PRDM6: variants seen among roughly 807,000 people sequenced by gnomAD.
PRDM6 encodes putative histone-lysine N-methyltransferase PRDM6.
Under a neutral mutation model 60.8 loss-of-function variants are expected in PRDM6, and 25 were observed. The ratio of observed to expected loss-of-function variants is 0.41; its 90% CI spans 0.30 to 0.57. The LOEUF is 0.57. PRDM6 is among the 20% of genes least tolerant of loss of function. The pLI is 0.27. For synonymous variants in PRDM6, 407 were observed against 357.4 expected (o/e 1.14, Z -1.57); for missense variants, 839 against 821.3 (o/e 1.02, Z -0.26).
chr5:123,141,325 T>G (rs1489213905), intron 3 of PRDM6, among the ~76,000 whole-genome samples: 1 of 152,098 alleles, frequency 6.6e-6, no homozygotes, highest in Admixed American at 6.5e-5. Flanking sequence ...TATTAAACAT[T>G]ATTTAATATC....
In PRDM6 at chr5:123,156,026, G is replaced by A. The variant is rs1765489731; in HGVS notation, c.1028+15G>A. 1.3e-6 allele frequency: 2 copies of A among 1,546,472 alleles called. No individual in the cohort carries two copies. The highest frequency in any genetic ancestry group is 2.4e-5 in the East Asian group (1 of 40,872). ...GTTCAGTACAGGTAAAGTATATCTTGATTTACCACCTACAGAGCTGAAGCC... is the reference window on the plus strand; with the variant it reads ...GTTCAGTACAGGTAAAGTATATCTTAATTTACCACCTACAGAGCTGAAGCC... On this transcript the variant is annotated intron_variant, in intron 4 of 7. Coordinates refer to ENST00000407847, the MANE Select transcript of PRDM6 (RefSeq NM_001136239.4).
chr5:123,186,718 A>G (rs1181717786), intron 7 of PRDM6, among the ~76,000 whole-genome samples: 1 of 152,248 alleles, frequency 6.6e-6, no homozygotes, highest in Non-Finnish European at 1.5e-5. Context: ...TCTATTTGTC[A>G]TCAATTTCTC....
In PRDM6 at chr5:123,178,738, G is replaced by A. The variant is rs538400444; in HGVS notation, c.1497-1409G>A. Among the ~76,000 whole-genome samples, 14 of 152,288 alleles carry A rather than the reference G, an allele frequency of 9.2e-5. No individual in the cohort carries two copies. The East Asian group carries it at 1.2e-3, about 13-fold the overall frequency. On this transcript the variant is annotated intron_variant, in intron 6 of 7. Transcript: ENST00000407847. The stretch of plus-strand genomic sequence containing the variant: ...TGTGCTGAAGCCTGGTAAAATAATA[G>A]TATTTGTGTTCAGTGAGGCAAGTGG...
intron 3 of PRDM6, among the ~76,000 whole-genome samples, chr5:123,101,784 A>G (rs1224862558): frequency 6.6e-6 from 1 of 152,248 alleles, no homozygotes; most frequent in Admixed American, 6.5e-5. Flanking sequence ...AGGCCACTAC[A>G]CATATAGACT....
intron 3 of PRDM6, among the ~76,000 whole-genome samples, chr5:123,134,148 T>C (rs1394923826): frequency 6.6e-6 from 1 of 152,162 alleles, no homozygotes; most frequent in Non-Finnish European, 1.5e-5. Context: ...TCTTTTTCTC[T>C]CATAAAAACT....
At chr5:123,170,566 C>A (rs335204) in intron 5 of PRDM6, among the ~76,000 whole-genome samples, 200 bp from the exon 6 acceptor site, 78,223 of 152,010 alleles carry the variant, frequency 0.51, 20,342 homozygotes, top group East Asian at 0.61. Context: ...ACAGTTGCTT[C>A]ATAAATAGGC....
chr5:123,155,856 C>T, intron 3 of PRDM6, 28 bp from the exon 4 acceptor site: 1 of 1,547,336 alleles, frequency 6.5e-7, no homozygotes, highest in Non-Finnish European at 8.7e-7. Flanking sequence ...TTCGTTCTAA[C>T]TACTTGACCT....
chr5:123,097,723 G>C (rs1763989182), intron 2 of PRDM6, among the ~76,000 whole-genome samples: 1 of 152,200 alleles, frequency 6.6e-6, no homozygotes, highest in African/African-American at 2.4e-5. Flanking sequence ...TCCCATCCAG[G>C]CCCTGGGGTC....
chr5:123,096,007 G>A (rs1212279931), intron 2 of PRDM6, among the ~76,000 whole-genome samples: 1 of 150,278 alleles, frequency 6.7e-6, no homozygotes, highest in Non-Finnish European at 1.5e-5. Flanking sequence ...GTGAAAGTCT[G>A]CTCTTAACTG....
At chr5:123,164,017 C>T (rs1303115744) in intron 5 of PRDM6, among the ~76,000 whole-genome samples, 1 of 152,130 alleles carries the variant, frequency 6.6e-6, no homozygotes, top group East Asian at 1.9e-4. Flanking sequence ...GTCAGGAAGG[C>T]CCTACTCAAG....
chr5:123,162,602 C>T (rs991787051), intron 5 of PRDM6, among the ~76,000 whole-genome samples: 4 of 152,112 alleles, frequency 2.6e-5, no homozygotes, highest in East Asian at 1.9e-4. Context: ...TTTTGGGTTC[C>T]GTTCAGAGCT....
intron 3 of PRDM6, among the ~76,000 whole-genome samples, chr5:123,120,461 G>T (rs993857022): frequency 2.6e-5 from 4 of 152,128 alleles, no homozygotes; most frequent in Admixed American, 6.5e-5. Flanking sequence ...GGTGGTGGGG[G>T]TAGCTGGGAT....
chr5:123,129,916 C>G (rs971809163), intron 3 of PRDM6, among the ~76,000 whole-genome samples: 1 of 152,174 alleles, frequency 6.6e-6, no homozygotes, highest in Non-Finnish European at 1.5e-5. Flanking sequence ...AGCATCTGCA[C>G]TGATTGGCAG....
intron 3 of PRDM6, among the ~76,000 whole-genome samples, chr5:123,155,531 T>C (rs1047313924): frequency 6.6e-6 from 1 of 152,104 alleles, no homozygotes; most frequent in Non-Finnish European, 1.5e-5. Flanking sequence ...GTTCCAACAA[T>C]GTCAGTGCGG....
intron 5 of PRDM6, 134 bp from the exon 6 acceptor site, chr5:123,170,632 T>G: frequency 1.5e-6 from 1 of 683,700 alleles, no homozygotes; most frequent in Non-Finnish European, 2.4e-6. Flanking sequence ...TCAGATGGTT[T>G]GTTATGTTAA....
chr5:123,155,797 G>T, intron 3 of PRDM6, 87 bp from the exon 4 acceptor site: 1 of 1,446,152 alleles, frequency 6.9e-7, no homozygotes, highest in Non-Finnish European at 9.2e-7. Context: ...AATTTCTGCA[G>T]CTGACACATA....
chr5:123,176,341 A>G (rs1766010763), intron 6 of PRDM6, among the ~76,000 whole-genome samples: 1 of 81,550 alleles, frequency 1.2e-5, no homozygotes, highest in Admixed American at 1.4e-4. Context: ...TGTGAGGCAT[A>G]CTGTTTGCCT....
chr5:123,191,046 C>T lies in PRDM6; in HGVS notation c.*3845C>T. The T allele has an allele frequency of 6.6e-6, 1 of 152,236 alleles. No individual in the cohort carries two copies. The highest frequency in any genetic ancestry group is 1.5e-5 in the Non-Finnish European group (1 of 68,028). The allele number at this position is 152,236 out of a possible 1,614,324, so 9.4% of individuals were successfully genotyped here. On this transcript the variant is annotated 3_prime_UTR_variant, in exon 8 of 8. Transcript: ENST00000407847. The stretch of plus-strand genomic sequence containing the variant: ...AACTCACTGGGCTATTGGTTGTTAG[C>T]AGCAGTATCAAGAGACCAGGATTAG...
chr5:123,141,339 G>A (rs1249440565), intron 3 of PRDM6, among the ~76,000 whole-genome samples: 1 of 151,764 alleles, frequency 6.6e-6, no homozygotes, highest in East Asian at 1.9e-4. Flanking sequence ...TAATATCTTG[G>A]CATTTATGTA....
Sources: allele counts gnomAD v4.1 joint callset (sites outside exome capture counted in the v4.1 genomes callset), GRCh38; gene constraint gnomAD v4.1.1; transcripts MANE v1.5; gene names NCBI Gene and HGNC (gene_info 2026-07-23, HGNC 2026-07-21).